The following BRK1 variants were observed in gnomAD, a reference collection of about 807,000 sequenced individuals.
The protein encoded by BRK1 is BRICK1 subunit of SCAR/WAVE actin nucleating complex, also known as protein BRICK1.
BRK1 carries 6 observed loss-of-function variants against 9.9 expected under a neutral mutation model. The observed-to-expected ratio is 0.60, with a 90% CI of 0.33 to 1.19. The LOEUF (loss-of-function observed/expected upper bound fraction) is 1.19. BRK1 is among the 50% of genes most tolerant of loss of function. The probability of loss-of-function intolerance (pLI) is 0.04; values close to 1 mark genes in which losing one functional copy is unlikely to be tolerated. For missense variants in BRK1, 62 were observed against 97.5 expected (o/e 0.64, Z 1.53); for synonymous variants, 44 against 31.9 (o/e 1.38, Z -1.28).
chr3:10,123,302 C>T, intron 1 of BRK1, among the ~76,000 whole-genome samples: 1 of 152,152 alleles, frequency 6.6e-6, no homozygotes, highest in East Asian at 1.9e-4. Context: ...GTATTTGATG[C>T]TCTCCAACTT....
At chr3:10,118,736 G>A (rs545584878) in intron 1 of BRK1, among the ~76,000 whole-genome samples, 8 of 152,100 alleles carry the variant, frequency 5.3e-5, no homozygotes, top group Non-Finnish European at 1.2e-4. Flanking sequence ...ATCCACCTCT[G>A]TTCAACCTCC....
At chr3:10,119,416 C>CCACT (rs2125117393) in intron 1 of BRK1, among the ~76,000 whole-genome samples, 2 of 152,258 alleles carry the variant, frequency 1.3e-5, no homozygotes, top group South Asian at 4.2e-4. Flanking sequence ...CAAGATCGTG[C>CCACT]CACTGTACTC....
intron 1 of BRK1, among the ~76,000 whole-genome samples, chr3:10,116,324 G>GT (rs763294722): frequency 6.6e-5 from 10 of 152,018 alleles, no homozygotes; most frequent in Non-Finnish European, 1.2e-4. Flanking sequence ...ATTCCTTCCT[G>GT]TTTCCTGTGT....
At position 10,115,815 on chromosome 3, in the gene BRK1, G is replaced by A. The variant is rs1467507549; in HGVS notation, c.114G>A (p.Ser38=). ...AGAAAATCGCAGACTTTCTCAACTC[G>A]TTCGGTCAGCGGGCCAGCAAGGGGA... ...SIKKIADFLN[S]FDMSCRSRLA... is the part of the protein sequence containing the mutation. The change falls in exon 1 of 3, where the codon TCG becomes TCA. Residue 38 remains serine (S), a synonymous_variant. Coordinates refer to ENST00000530758, the MANE Select transcript of BRK1 (RefSeq NM_018462.5). The A allele has an allele frequency of 6.2e-7, 1 of 1,613,330 alleles. No individual in the cohort carries two copies. Among genetic ancestry groups the A allele is most frequent in the Non-Finnish European group, 8.5e-7 (1 of 1,179,282 alleles).
rs928137449 is a variant in BRK1 at position 10,125,808 on chromosome 3, T to C, written c.201+100T>C. Reference sequence around the variant, plus strand: ...AAACAGTCTTAGGAAACTTAAGCACTGGCCGGACATGGTGGCTCACGCCTG... The same window carrying C: ...AAACAGTCTTAGGAAACTTAAGCACCGGCCGGACATGGTGGCTCACGCCTG... On this transcript the variant is annotated intron_variant, in intron 2 of 2. Transcript: ENST00000530758. The C allele has an allele frequency of 7.3e-6, 6 of 827,360 alleles. No homozygotes were observed. The Admixed American group carries it at 1.2e-4, about 17-fold the overall frequency. 51.3% of individuals were successfully genotyped at this position (827,360 alleles called of 1,614,324 possible).
intron 1 of BRK1, among the ~76,000 whole-genome samples, chr3:10,120,639 T>A (rs1695744562): frequency 6.6e-6 from 1 of 152,242 alleles, no homozygotes; most frequent in Non-Finnish European, 1.5e-5. Context: ...TGCTCTGGTT[T>A]CAGATTTATC....
intron 1 of BRK1, among the ~76,000 whole-genome samples, chr3:10,118,272 A>T (rs1234043842): frequency 2.6e-5 from 4 of 151,052 alleles, no homozygotes; most frequent in Admixed American, 1.3e-4. Context: ...AAAAAAAAAG[A>T]TTGACACTAT....
In BRK1 at chr3:10,115,780, A is replaced by G; in HGVS notation, c.79A>G (p.Ser27Gly). Residue 27 changes from serine to glycine, a missense_variant, in exon 1 of 3, where the codon AGC becomes GGC. Physicochemically the swap from Ser to Gly is moderately conservative, Grantham distance 56 (BLOSUM62 0). Coordinates refer to ENST00000530758, the MANE Select transcript of BRK1 (RefSeq NM_018462.5). ...CCGGGAGTACATTGAGATAATCACC[A>G]GCAGCATCAAGAAAATCGCAGACTT... ...ANREYIEIIT[S>G]SIKKIADFLN... 6.2e-7 allele frequency: 1 copy of G among 1,613,978 alleles called. No homozygotes were observed. Among genetic ancestry groups the G allele is most frequent in the Non-Finnish European group, 8.5e-7 (1 of 1,179,862 alleles).
intron 2 of BRK1, 57 bp from the exon 3 acceptor site, chr3:10,126,212 A>T: frequency 7.9e-7 from 1 of 1,261,094 alleles, no homozygotes; most frequent in Non-Finnish European, 1.1e-6. Flanking sequence ...ATTTTTTTTT[A>T]GACCCCTCTA....
In BRK1 at chr3:10,125,428, G is replaced by A. The variant is rs17032426; in HGVS notation, c.119-198G>A. Among the ~76,000 whole-genome samples, 24,828 of 152,050 alleles carry A rather than the reference G, an allele frequency of 0.16. 2,568 individuals are homozygous for A. Among genetic ancestry groups the A allele is most frequent in the African/African-American group, 0.29 (12,029 of 41,430 alleles). ...CAGGAAAGGACGTTTTTGTGGGGCCGTTATTCTCTACTTGCAACACTTGAT... is the reference window on the plus strand; with the variant it reads ...CAGGAAAGGACGTTTTTGTGGGGCCATTATTCTCTACTTGCAACACTTGAT... On this transcript the variant is annotated intron_variant, in intron 1 of 2. Coordinates refer to ENST00000530758, the MANE Select transcript of BRK1 (RefSeq NM_018462.5).
chr3:10,125,589 G>T, intron 1 of BRK1, 37 bp from the exon 2 acceptor site: 1 of 1,323,120 alleles, frequency 7.6e-7, no homozygotes, highest in Non-Finnish European at 1.1e-6. Flanking sequence ...TGTGTTTGGA[G>T]TGACATTAAT....
chr3:10,124,041 C>CT, intron 1 of BRK1, among the ~76,000 whole-genome samples: 1 of 151,996 alleles, frequency 6.6e-6, no homozygotes, highest in East Asian at 1.9e-4. Context: ...AGCCTCGTTT[C>CT]TTTCCTGTTG....
Position 10,126,532 on chromosome 3 carries a change from AT to A in BRK1, c.*241del. 2.2e-6 allele frequency: 1 copy of A among 461,594 alleles called. No homozygotes were observed. The highest frequency in any genetic ancestry group is 3.9e-6 in the Non-Finnish European group (1 of 259,538). 28.6% of individuals were successfully genotyped at this position (461,594 alleles called of 1,614,324 possible). On this transcript the variant is annotated 3_prime_UTR_variant, in exon 3 of 3. Transcript: ENST00000530758. ...TTAGGCATTTTACCTTTTCAGTAAC[AT>A]TTTATACATCTACTTGTCAATGTAT...
At position 10,126,305 on chromosome 3, in the gene BRK1, G is replaced by T; in HGVS notation, c.*10G>T. The T allele has an allele frequency of 6.3e-7, 1 of 1,576,830 alleles. No homozygotes were observed. The highest frequency in any genetic ancestry group is 1.4e-5 in the African/African-American group (1 of 73,944). Reference sequence around the variant, plus strand: ...TGAGACACTCACCTAGAACAGTGCCGTGCTGCTGCTGGGAAGTTGCTTTAC... The same window carrying T: ...TGAGACACTCACCTAGAACAGTGCCTTGCTGCTGCTGGGAAGTTGCTTTAC... On this transcript the variant is annotated 3_prime_UTR_variant, in exon 3 of 3. Coordinates refer to ENST00000530758, the MANE Select transcript of BRK1 (RefSeq NM_018462.5).
chr3:10,124,911 CTT>C (rs1695816056), intron 1 of BRK1, among the ~76,000 whole-genome samples: 1 of 152,122 alleles, frequency 6.6e-6, no homozygotes, highest in Admixed American at 6.6e-5. Flanking sequence ...CTTGGAATCT[CTT>C]TTTCTTCTTC....
chr3:10,126,380 T>A lies in BRK1; in HGVS notation c.*85T>A. Reference sequence around the variant, plus strand: ...CCCCAGCAGCCTTCAGCTCCTTCCTTTCTCCTTAAAGAGCAACAGGGCTTA... The same window carrying A: ...CCCCAGCAGCCTTCAGCTCCTTCCTATCTCCTTAAAGAGCAACAGGGCTTA... On this transcript the variant is annotated 3_prime_UTR_variant, in exon 3 of 3. Coordinates refer to ENST00000530758, the MANE Select transcript of BRK1 (RefSeq NM_018462.5). 1 of 1,233,124 alleles carries A rather than the reference T, an allele frequency of 8.1e-7. No individual in the cohort carries two copies. 76.4% of individuals were successfully genotyped at this position (1,233,124 alleles called of 1,614,324 possible). A position where few individuals can be genotyped will look rare whatever the true frequency, so the allele number is the denominator to read the frequency against.
intron 1 of BRK1, among the ~76,000 whole-genome samples, chr3:10,124,203 T>G (rs1159905387): frequency 2.6e-5 from 4 of 151,400 alleles, no homozygotes. Context: ...ACTTGTAATC[T>G]CAGCACTTTG....
chr3:10,122,213 G>A (rs1329240162), intron 1 of BRK1, among the ~76,000 whole-genome samples: 2 of 151,918 alleles, frequency 1.3e-5, no homozygotes, highest in South Asian at 2.1e-4. Context: ...ATGAGCCACC[G>A]CGCCTGGCCA....
rs1255970846 is a variant in BRK1 at position 10,115,729 on chromosome 3, C to T, written c.28C>T (p.Arg10Trp). 3 of 1,613,912 alleles carry T rather than the reference C, an allele frequency of 1.9e-6. No homozygotes were observed. The highest frequency in any genetic ancestry group is 2.5e-6 in the Non-Finnish European group (3 of 1,179,850). Residue 10 changes from arginine to tryptophan, a missense_variant, in exon 1 of 3, where the codon CGG (arginine) becomes TGG (tryptophan). Physicochemically the swap from Arg to Trp is moderately radical, Grantham distance 101 (BLOSUM62 -3). Transcript: ENST00000530758. Reference sequence around the variant, plus strand: ...GGCGGGACAGGAGGATCCGGTGCAGCGGGAGATTCACCAGGACTGGGCTAA... The same window carrying T: ...GGCGGGACAGGAGGATCCGGTGCAGTGGGAGATTCACCAGGACTGGGCTAA... Reference protein sequence around the residue: MAGQEDPVQREIHQDWANRE... With the variant: MAGQEDPVQWEIHQDWANRE...
Sources: allele counts gnomAD v4.1 joint callset (sites outside exome capture counted in the v4.1 genomes callset), GRCh38; gene constraint gnomAD v4.1.1; transcripts MANE v1.5; gene names NCBI Gene and HGNC (gene_info 2026-07-23, HGNC 2026-07-21).